The following MTOR variants were observed in gnomAD, a reference collection of about 807,000 sequenced individuals.
MTOR encodes the protein mechanistic target of rapamycin kinase, also known as serine/threonine-protein kinase mTOR.
A neutral mutation model predicts 319.8 loss-of-function variants in MTOR; 70 were observed. The ratio of observed to expected loss-of-function variants is 0.22; its 90% CI spans 0.18 to 0.27. The LOEUF (loss-of-function observed/expected upper bound fraction) is 0.27. Ranked by LOEUF, MTOR falls within the 10% of genes least tolerant of loss-of-function variation. MTOR has a pLI of 1.00. For synonymous variants in MTOR, 1,183 were observed against 1,211.4 expected (o/e 0.98, Z 0.49); for missense variants, 1,890 against 3,274.4 (o/e 0.58, Z 10.32).
At position 11,128,764 on chromosome 1, in the gene MTOR, G is replaced by A; in HGVS notation, c.5811+91C>T. ...CCTTAGCACTGTATTAACACACACTGCCTTGTGACACTGAACACAGCATGC... is the reference window on the plus strand; with the variant it reads ...CCTTAGCACTGTATTAACACACACTACCTTGTGACACTGAACACAGCATGC... On this transcript the variant is annotated intron_variant, in intron 41 of 57. Coordinates refer to ENST00000361445, the MANE Select transcript of MTOR (RefSeq NM_004958.4). This position sits in a 1 kb window ranked among gnomAD's most constrained non-coding sequence, Gnocchi z 5.3. The A allele has an allele frequency of 8.5e-7, 1 of 1,172,374 alleles. No homozygotes were observed. The highest frequency in any genetic ancestry group is 1.3e-6 in the Non-Finnish European group (1 of 795,210). 72.6% of individuals were successfully genotyped at this position (1,172,374 alleles called of 1,614,324 possible).
At chr1:11,208,618 G>C (rs554874574) in intron 25 of MTOR, among the ~76,000 whole-genome samples, 1 of 152,202 alleles carries the variant, frequency 6.6e-6, no homozygotes, top group Middle Eastern at 3.2e-3. Context: ...GAAAATACTC[G>C]ATGTGGTATA....
chr1:11,227,543 T>G (rs888185243), intron 19 of MTOR, among the ~76,000 whole-genome samples: 1 of 152,032 alleles, frequency 6.6e-6, no homozygotes, highest in African/African-American at 2.4e-5. Context: ...ATTCTAAGAA[T>G]AACAGGAACT....
chr1:11,218,365 G>C, intron 19 of MTOR, among the ~76,000 whole-genome samples: 1 of 151,950 alleles, frequency 6.6e-6, no homozygotes, highest in East Asian at 1.9e-4. Context: ...GGAAGGCGGA[G>C]GTTGCAGTGA....
intron 54 of MTOR, among the ~76,000 whole-genome samples, chr1:11,110,685 C>T (rs891752888): frequency 1.3e-5 from 2 of 152,070 alleles, no homozygotes; most frequent in African/African-American, 2.4e-5. Context: ...CATGAACCAC[C>T]GCACCCGGGT....
intron 34 of MTOR, among the ~76,000 whole-genome samples, chr1:11,143,663 G>A (rs1288133053): frequency 6.6e-6 from 1 of 152,192 alleles, no homozygotes; most frequent in East Asian, 1.9e-4. Context: ...GCAGGAATGT[G>A]TTTGGAGTCA....
chr1:11,193,922 G>T, intron 28 of MTOR: 1 of 962,404 alleles, frequency 1.0e-6, no homozygotes. Context: ...TGGAGTTGAG[G>T]AAAAATAGGT....
intron 13 of MTOR, among the ~76,000 whole-genome samples, chr1:11,235,103 G>A (rs964864406): frequency 3.3e-5 from 5 of 152,168 alleles, no homozygotes; most frequent in African/African-American, 1.2e-4. Context: ...CCCAGTCATA[G>A]CAGACCACAG....
chr1:11,217,544 G>A (rs1331775813), intron 19 of MTOR, among the ~76,000 whole-genome samples: 1 of 151,346 alleles, frequency 6.6e-6, no homozygotes, highest in Non-Finnish European at 1.5e-5. Context: ...GGGACTACAG[G>A]CGCCCGCCAC....
At position 11,121,947 on chromosome 1, in the gene MTOR, G is replaced by A; in HGVS notation, c.6810+32C>T. ...GCTACGGAGATTCCCTGCCACGGAA[G>A]GGGCACTAGCTCTCGTGGCCGCATC... On this transcript the variant is annotated intron_variant, in intron 48 of 57. Coordinates refer to ENST00000361445, the MANE Select transcript of MTOR (RefSeq NM_004958.4). This position sits in a 1 kb window ranked among gnomAD's most constrained non-coding sequence, Gnocchi z 4.9. 1 of 1,610,050 alleles carries A rather than the reference G, an allele frequency of 6.2e-7. No individual in the cohort carries two copies. Among genetic ancestry groups the A allele is most frequent in the Non-Finnish European group, 8.5e-7 (1 of 1,177,126 alleles).
rs535691271 is a variant in MTOR at position 11,252,613 on chromosome 1, G to A, written c.840+1226C>T. On this transcript the variant is annotated intron_variant, in intron 6 of 57. Coordinates refer to ENST00000361445, the MANE Select transcript of MTOR (RefSeq NM_004958.4). Reference sequence around the variant, plus strand: ...CCTGAGTCGCACAGTCATCAGAGCGGTGGGGATCTGAAGCCAGACTCCTCC... The same window carrying A: ...CCTGAGTCGCACAGTCATCAGAGCGATGGGGATCTGAAGCCAGACTCCTCC... Among the ~76,000 whole-genome samples the A allele has an allele frequency of 5.5e-4, 83 of 152,290 alleles. 1 individual carries two copies. The highest frequency in any genetic ancestry group is 1.9e-3 in the African/African-American group (79 of 41,564).
intron 6 of MTOR, among the ~76,000 whole-genome samples, chr1:11,250,344 G>A (rs1649508837): frequency 6.6e-6 from 1 of 152,152 alleles, no homozygotes; most frequent in Non-Finnish European, 1.5e-5. Flanking sequence ...CAGTAGGGGC[G>A]GCCGGGCAGA....
chr1:11,172,226 T>C (rs1345923085), intron 28 of MTOR, among the ~76,000 whole-genome samples: 1 of 152,116 alleles, frequency 6.6e-6, no homozygotes, highest in Non-Finnish European at 1.5e-5. Context: ...GGATCCATGA[T>C]AAGCTCTTAT....
chr1:11,180,738 G>A (rs1013765447), intron 28 of MTOR, among the ~76,000 whole-genome samples: 2 of 152,030 alleles, frequency 1.3e-5, no homozygotes, highest in African/African-American at 4.8e-5. Flanking sequence ...TTAGGTTACT[G>A]GGGATAAAAT....
chr1:11,257,262 ACGGTGG>A, intron 3 of MTOR, 97 bp from the exon 4 acceptor site: 1 of 1,080,546 alleles, frequency 9.3e-7, no homozygotes, highest in Non-Finnish European at 1.4e-6. Flanking sequence ...CCGGCCAGGC[ACGGTGG>A]CTCAAGTCTG....
rs532006110 is a variant in MTOR, at chr1:11,155,880, G to T, written c.4469+1272C>A. On this transcript the variant is annotated intron_variant, in intron 30 of 57. Coordinates refer to ENST00000361445, the MANE Select transcript of MTOR (RefSeq NM_004958.4). ...AATGAATACACACGTGATAGTTACTGGCTGAATGAAGGAACAGTGGACCCT... is the reference window on the plus strand; with the variant it reads ...AATGAATACACACGTGATAGTTACTTGCTGAATGAAGGAACAGTGGACCCT... Among the ~76,000 whole-genome samples the T allele has an allele frequency of 1.6e-3, 249 of 152,174 alleles. 2 individuals carry two copies. Among genetic ancestry groups the T allele is most frequent in the African/African-American group, 5.6e-3 (230 of 41,436 alleles).
At chr1:11,137,152 T>TAAAAAAAAAAA (rs33927011) in intron 36 of MTOR, among the ~76,000 whole-genome samples, 1 of 73,344 alleles carries the variant, frequency 1.4e-5, no homozygotes, top group Non-Finnish European at 2.5e-5. Context: ...TAAATCTGAT[T>TAAAAAAAAAAA]AAAAAAAAAA....
At chr1:11,119,678 G>C (rs144487602) in intron 49 of MTOR, among the ~76,000 whole-genome samples, 1 of 149,946 alleles carries the variant, frequency 6.7e-6, no homozygotes, top group Non-Finnish European at 1.5e-5. Context: ...CCTGGGAGAC[G>C]GAGTATGTAG....
At chr1:11,225,905 AGC>A (rs1646820475) in intron 19 of MTOR, among the ~76,000 whole-genome samples, 1 of 152,364 alleles carries the variant, frequency 6.6e-6, no homozygotes, top group Admixed American at 6.5e-5. Context: ...AAAAAAAAGT[AGC>A]CAAAACTGCT....
chr1:11,242,973 A>G, intron 9 of MTOR, 141 bp downstream of exon 9: 1 of 765,562 alleles, frequency 1.3e-6, no homozygotes, highest in Non-Finnish European at 2.1e-6. Flanking sequence ...CAACTAAGGA[A>G]GGGCTGTTCT....
Sources: gnomAD v4.1 joint callset for allele counts (sites outside exome capture counted in the v4.1 genomes callset) on GRCh38, gnomAD v4.1.1 for gene constraint, Gnocchi (gnomAD v3.1) non-coding constraint, MANE v1.5 for transcripts, NCBI Gene and HGNC (gene_info 2026-07-23, HGNC 2026-07-21) for gene names.